EBF4: variants seen among roughly 807,000 people sequenced by gnomAD.
EBF4 encodes transcription factor COE4.
A neutral mutation model predicts 67.1 loss-of-function variants in EBF4; 34 were observed. The ratio of observed to expected loss-of-function variants is 0.51; its 90% CI spans 0.39 to 0.67. The LOEUF (loss-of-function observed/expected upper bound fraction) is 0.67. Ranked by LOEUF, EBF4 falls within the 30% of genes least tolerant of loss-of-function variation. EBF4 has a pLI of 0.00. For missense variants in EBF4, 837 were observed against 873.3 expected, an observed-to-expected ratio of 0.96 and a Z score of 0.52; for synonymous variants, 387 against 377.7, an observed-to-expected ratio of 1.02 and a Z score of -0.29.
At chr20:2,749,554 C>A in intron 8 of EBF4, 36 bp downstream of exon 8, 1 of 1,537,432 alleles carries the variant, frequency 6.5e-7, no homozygotes, top group Non-Finnish European at 8.8e-7. Flanking sequence ...CCGCCGCGGG[C>A]CCAGCCAGCC....
At chr20:2,722,381 C>A (rs1431599234) in intron 6 of EBF4, among the ~76,000 whole-genome samples, 2 of 152,088 alleles carry the variant, frequency 1.3e-5, no homozygotes, top group Non-Finnish European at 2.9e-5. Context: ...TATGTGAGCA[C>A]CAAGTCATGC....
chr20:2,696,038 C>A lies in EBF4; in HGVS notation c.137+2256C>A, dbSNP rs1377810807. Reference sequence around the variant, plus strand: ...TCCCTGGCTTGAAGGTTAACTGCACCCTGGTTACCACCTCAGCCTCCTGGC... The same window carrying A: ...TCCCTGGCTTGAAGGTTAACTGCACACTGGTTACCACCTCAGCCTCCTGGC... On this transcript the variant is annotated intron_variant, in intron 1 of 16. Coordinates refer to ENST00000609451, the Ensembl canonical transcript of EBF4. The surrounding 1 kb of genome is among the most constrained non-coding windows in gnomAD (Gnocchi z 4.7). 1.3e-5 allele frequency among the ~76,000 whole-genome samples: 2 copies of A among 152,200 alleles called. No individual in the cohort carries two copies. The highest frequency in any genetic ancestry group is 2.9e-5 in the Non-Finnish European group (2 of 68,036).
At position 2,745,866 on chromosome 20, in the gene EBF4, T is replaced by C. The variant is rs1022660490; in HGVS notation, c.558-2683T>C. Among the ~76,000 whole-genome samples the C allele has an allele frequency of 1.3e-5, 2 of 152,116 alleles. No individual in the cohort carries two copies. Among genetic ancestry groups the C allele is most frequent in the Non-Finnish European group, 2.9e-5 (2 of 68,014 alleles). ...GACCCTTCCTCTTGATCCTGTAGGT[T>C]TGAGTGGAGTGGGGTGCAGTGGGCA... On this transcript the variant is annotated intron_variant, in intron 6 of 16. Coordinates refer to ENST00000609451, the Ensembl canonical transcript of EBF4. This position sits in a 1 kb window ranked among gnomAD's most constrained non-coding sequence, Gnocchi z 5.2.
intron 15 of EBF4, among the ~76,000 whole-genome samples, chr20:2,758,462 A>T (rs8118716): frequency 0.056 from 8,597 of 152,216 alleles, 847 homozygotes; most frequent in African/African-American, 0.2. Flanking sequence ...CCTGCCAGCA[A>T]AGAGAACCAT....
At chr20:2,711,076 A>G (rs2087536970) in intron 6 of EBF4, among the ~76,000 whole-genome samples, 1 of 152,052 alleles carries the variant, frequency 6.6e-6, no homozygotes, top group African/African-American at 2.4e-5. Context: ...TGAGCCCAGG[A>G]GGTCTAGACT....
chr20:2,741,335 A>T (rs1472608549), intron 6 of EBF4, among the ~76,000 whole-genome samples: 4 of 151,414 alleles, frequency 2.6e-5, no homozygotes, highest in Non-Finnish European at 4.4e-5. Context: ...GCTCCATCCC[A>T]CTCTGCCTTC....
At chr20:2,722,522 G>A (rs1246929101) in intron 6 of EBF4, among the ~76,000 whole-genome samples, 14 of 152,184 alleles carry the variant, frequency 9.2e-5, no homozygotes, top group Non-Finnish European at 1.9e-4. Flanking sequence ...TTTGTATGCA[G>A]CTGTCTCCTC....
At chr20:2,737,216 C>CCGCAG (rs2087899105) in intron 6 of EBF4, among the ~76,000 whole-genome samples, 2 of 146,004 alleles carry the variant, frequency 1.4e-5, no homozygotes, top group Non-Finnish European at 3.0e-5. Context: ...CGCCACTGCA[C>CCGCAG]TCCAGCTTGG....
intron 10 of EBF4, among the ~76,000 whole-genome samples, chr20:2,750,912 G>C (rs2088134556): frequency 6.6e-6 from 1 of 152,172 alleles, no homozygotes; most frequent in Non-Finnish European, 1.5e-5. Context: ...CTTTCTCTTT[G>C]CCGGGAAACT....
intron 1 of EBF4, among the ~76,000 whole-genome samples, chr20:2,702,452 G>A (rs1238892564): frequency 2.0e-5 from 3 of 151,940 alleles, no homozygotes. Context: ...GATACTGGAG[G>A]TCCCCTCCCC....
At chr20:2,704,690 T>C (rs1256196200) in intron 1 of EBF4, among the ~76,000 whole-genome samples, 1 of 152,258 alleles carries the variant, frequency 6.6e-6, no homozygotes, top group Non-Finnish European at 1.5e-5. Context: ...CTTCTCCAGT[T>C]TTTTTGCATG....
At chr20:2,700,215 C>G (rs996092222) in intron 1 of EBF4, among the ~76,000 whole-genome samples, 3 of 152,132 alleles carry the variant, frequency 2.0e-5, no homozygotes, top group Non-Finnish European at 4.4e-5. Context: ...AATGCACCCT[C>G]TATAGGCTGC....
At chr20:2,708,108 C>T (rs1306884707) in intron 5 of EBF4, 88 bp downstream of exon 5, 19 of 1,351,782 alleles carry the variant, frequency 1.4e-5, no homozygotes, top group South Asian at 1.1e-4. Context: ...GCCGCCCTTG[C>T]CCCTGGCTGC....
intron 6 of EBF4, among the ~76,000 whole-genome samples, chr20:2,741,883 T>C (rs2087973427): frequency 6.6e-6 from 1 of 152,224 alleles, no homozygotes. Context: ...TTTTTAACTA[T>C]TGGTTCCATT....
At position 2,707,022 on chromosome 20, in the gene EBF4, T is replaced by A. The variant is rs1220360997; in HGVS notation, c.414+758T>A. Among the ~76,000 whole-genome samples, 1 of 152,206 alleles carries A rather than the reference T, an allele frequency of 6.6e-6. No homozygotes were observed. The highest frequency in any genetic ancestry group is 2.4e-5 in the African/African-American group (1 of 41,438). ...CAGGGCTTTTCAGAGAAGCTGTGCA[T>A]GCTGGCAAGGAGGGGGCTGAGTCTC... On this transcript the variant is annotated intron_variant, in intron 4 of 16. Coordinates refer to ENST00000609451, the Ensembl canonical transcript of EBF4. The surrounding 1 kb of genome is among the most constrained non-coding windows in gnomAD (Gnocchi z 4.6).
chr20:2,704,784 C>T (rs1167644410), intron 1 of EBF4, among the ~76,000 whole-genome samples: 1 of 152,214 alleles, frequency 6.6e-6, no homozygotes, highest in Non-Finnish European at 1.5e-5. Context: ...TGCTCCTAGC[C>T]CCAGTTGTTG....
At chr20:2,722,506 A>T (rs2087695186) in intron 6 of EBF4, among the ~76,000 whole-genome samples, 3 of 152,128 alleles carry the variant, frequency 2.0e-5, no homozygotes, top group African/African-American at 7.2e-5. Flanking sequence ...AATCTCTAGG[A>T]TACTCTTTGT....
At position 2,705,555 on chromosome 20, in the gene EBF4, T is replaced by C. The variant is rs969290317; in HGVS notation, c.138-22T>C. On this transcript the variant is annotated intron_variant, in intron 1 of 16. Coordinates refer to ENST00000609451, the Ensembl canonical transcript of EBF4. ...TCACTGGGGGGCCTTCCAGTGGTTT[T>C]CCAGCTCTTTTCCTCCCACAGTGGC... 22 of 1,551,578 alleles carry C rather than the reference T, an allele frequency of 1.4e-5. No individual in the cohort carries two copies. The Admixed American group carries it at 3.7e-4, about 26-fold the overall frequency.
chr20:2,694,228 G>GC (rs1568562903), intron 1 of EBF4, among the ~76,000 whole-genome samples: 1 of 152,144 alleles, frequency 6.6e-6, no homozygotes, highest in Admixed American at 6.5e-5. Context: ...CCTTTCCCAC[G>GC]CCCCTCAGAG....
Sources: allele counts gnomAD v4.1 joint callset (sites outside exome capture counted in the v4.1 genomes callset), GRCh38; gene constraint gnomAD v4.1.1; non-coding constraint Gnocchi (gnomAD v3.1); transcripts MANE v1.5; gene names NCBI Gene and HGNC (gene_info 2026-07-23, HGNC 2026-07-21).